Variants in NINL observed in about 807,000 individuals in gnomAD.
NINL encodes the protein ninein like.
A neutral mutation model predicts 160.3 loss-of-function variants in NINL; 153 were observed. That is an observed-to-expected ratio of 0.95 (90% CI 0.84 to 1.09). The LOEUF (loss-of-function observed/expected upper bound fraction) is 1.09, where lower values mean the gene tolerates loss of function less well. NINL is among the 50% of genes least tolerant of loss of function. The pLI is 0.00. For synonymous variants in NINL, 800 were observed against 734.8 expected (o/e 1.09, Z -1.43); for missense variants, 1,829 against 1,764.0 (o/e 1.04, Z -0.66).
rs779642343 is a variant in NINL at position 25,476,882 on chromosome 20, G to A, written c.2409C>T (p.Ala803=). 1.2e-6 allele frequency: 2 copies of A among 1,613,340 alleles called. No individual in the cohort carries two copies. Among genetic ancestry groups the A allele is most frequent in the Non-Finnish European group, 1.7e-6 (2 of 1,179,890 alleles). The change falls in exon 17 of 24, where the codon GCC becomes GCT. Residue 803 remains alanine, a synonymous_variant. Transcript: ENST00000278886. The part of the protein sequence containing the change: ...EKRAQMCVSL[A]LEEEELELAR... ...CAAGCTCCAACTCCTCCTCCTCGAG[G>A]GCCAACGATACGCACATCTGGGCGC...
intron 13 of NINL, among the ~76,000 whole-genome samples, chr20:25,483,798 T>TA (rs2063449875): frequency 6.6e-6 from 1 of 152,246 alleles, no homozygotes; most frequent in Admixed American, 6.5e-5. Flanking sequence ...CCCACTTTCT[T>TA]AGACACCTCC....
intron 2 of NINL, among the ~76,000 whole-genome samples, chr20:25,524,246 G>A (rs1288960661): frequency 6.6e-6 from 1 of 152,192 alleles, no homozygotes; most frequent in East Asian, 1.9e-4. Context: ...GCAGGGAGAG[G>A]TGAACGCTAG....
chr20:25,553,065 ACCCCACTATG>A (rs1025217607), intron 1 of NINL, among the ~76,000 whole-genome samples: 1 of 141,054 alleles, frequency 7.1e-6, no homozygotes, highest in Non-Finnish European at 1.5e-5. Flanking sequence ...TCCACTTCAG[ACCCCACTATG>A]CCTGGAAGTT....
chr20:25,520,309 T>C (rs894382918), intron 2 of NINL, among the ~76,000 whole-genome samples: 1 of 152,146 alleles, frequency 6.6e-6, no homozygotes, highest in Admixed American at 6.5e-5. Flanking sequence ...ATATCACCAC[T>C]AAGTGTTGGA....
intron 1 of NINL, among the ~76,000 whole-genome samples, chr20:25,557,099 A>T (rs184394289): frequency 1.3e-5 from 2 of 152,342 alleles, no homozygotes; most frequent in South Asian, 2.1e-4. Flanking sequence ...TGAACTGCAC[A>T]CTTTAAACAG....
chr20:25,459,321 G>A (rs2090776142), intron 21 of NINL, among the ~76,000 whole-genome samples: 1 of 152,084 alleles, frequency 6.6e-6, no homozygotes, highest in African/African-American at 2.4e-5. Flanking sequence ...CCCTTCAGTA[G>A]TCCCTGCACT....
rs1440711960 is a variant in NINL, at chr20:25,477,089, C to G, written c.2202G>C (p.Arg734Ser). The G allele has an allele frequency of 6.3e-7, 1 of 1,590,182 alleles. No individual in the cohort carries two copies. Among genetic ancestry groups the G allele is most frequent in the African/African-American group, 1.3e-5 (1 of 74,732 alleles). Residue 734 changes from arginine to serine, a missense_variant and splice_region_variant, in exon 17 of 24, where the codon AGG (arginine) becomes AGC (serine). Coordinates refer to ENST00000278886, the MANE Select transcript of NINL (RefSeq NM_025176.6). The part of the protein sequence containing the change: ...LRHHSHLQQI[R>S]REAEAELSGE... ...CACTCAGCTCCGCCTCAGCCTCTCTCCTGTGGAAGTAGAACCGTCACACAC... is the reference window on the plus strand; with the variant it reads ...CACTCAGCTCCGCCTCAGCCTCTCTGCTGTGGAAGTAGAACCGTCACACAC...
intron 1 of NINL, among the ~76,000 whole-genome samples, chr20:25,567,105 C>CA (rs200134052): frequency 1.3e-5 from 2 of 150,448 alleles, no homozygotes; most frequent in African/African-American, 2.4e-5. Context: ...GACCCTGTCT[C>CA]AAAAAAAAAA....
intron 1 of NINL, among the ~76,000 whole-genome samples, chr20:25,580,393 C>G (rs1053080823): frequency 6.6e-6 from 1 of 151,780 alleles, no homozygotes; most frequent in Admixed American, 6.6e-5. Context: ...AATCAATGCA[C>G]AAAAATTGGT....
At chr20:25,505,867 G>C (rs1193769235) in intron 5 of NINL, among the ~76,000 whole-genome samples, 4 of 151,176 alleles carry the variant, frequency 2.6e-5, no homozygotes, top group African/African-American at 9.7e-5. Context: ...ACTTCACTCT[G>C]TTTACAAATT....
At chr20:25,456,242 A>G in intron 22 of NINL, among the ~76,000 whole-genome samples, 1 of 39,668 alleles carries the variant, frequency 2.5e-5, no homozygotes, top group East Asian at 7.1e-3. Context: ...ACTCCATCTC[A>G]AAAAAAAAAA....
intron 11 of NINL, 78 bp from the exon 12 acceptor site, chr20:25,490,063 G>A: frequency 7.9e-7 from 1 of 1,268,438 alleles, no homozygotes; most frequent in Non-Finnish European, 1.1e-6. Context: ...TGAGAGGCTT[G>A]CTTCTCATAG....
At chr20:25,553,123 G>A (rs1486764565) in intron 1 of NINL, among the ~76,000 whole-genome samples, 1 of 2,956 alleles carries the variant, frequency 3.4e-4, no homozygotes, top group African/African-American at 7.7e-4. Context: ...TTTTTTTTTG[G>A]AGATGGGGTC....
chr20:25,562,037 C>T (rs1310068771), intron 1 of NINL, among the ~76,000 whole-genome samples: 1 of 143,058 alleles, frequency 7.0e-6, no homozygotes, highest in Non-Finnish European at 1.5e-5. Flanking sequence ...GTGAGGAGCC[C>T]CTCTGCCCGG....
intron 2 of NINL, among the ~76,000 whole-genome samples, chr20:25,523,978 C>T (rs1476994438): frequency 2.0e-5 from 3 of 152,198 alleles, no homozygotes; most frequent in Non-Finnish European, 4.4e-5. Flanking sequence ...AATCCATTCT[C>T]CTGGATAAAG....
intron 17 of NINL, 102 bp downstream of exon 17, chr20:25,475,941 G>A (rs561499445): frequency 5.0e-5 from 63 of 1,255,558 alleles, no homozygotes; most frequent in East Asian, 1.9e-4. Context: ...CGAGCTTGTC[G>A]GCAGGAAGGG....
chr20:25,480,334 C>A, intron 14 of NINL, 67 bp from the exon 15 acceptor site: 1 of 1,253,344 alleles, frequency 8.0e-7, no homozygotes, highest in Non-Finnish European at 1.2e-6. Context: ...CCAAACCTTC[C>A]AATCTGATAT....
intron 1 of NINL, among the ~76,000 whole-genome samples, chr20:25,561,413 C>T (rs1022650393): frequency 2.6e-5 from 4 of 152,198 alleles, no homozygotes; most frequent in Non-Finnish European, 4.4e-5. Flanking sequence ...TCTGCCTTGG[C>T]CCCCCAAAGT....
At chr20:25,564,382 A>G (rs1304779238) in intron 1 of NINL, among the ~76,000 whole-genome samples, 1 of 152,112 alleles carries the variant, frequency 6.6e-6, no homozygotes, top group Non-Finnish European at 1.5e-5. Context: ...CAATGGCACA[A>G]TCTCAGCTCA....
Sources: gnomAD v4.1 joint callset for allele counts (sites outside exome capture counted in the v4.1 genomes callset) on GRCh38, gnomAD v4.1.1 for gene constraint, MANE v1.5 for transcripts, NCBI Gene and HGNC (gene_info 2026-07-23, HGNC 2026-07-21) for gene names.